LRRC1: variants seen among roughly 807,000 people sequenced by gnomAD.
The protein encoded by LRRC1 is leucine rich repeat containing 1.
LRRC1 carries 28 observed loss-of-function variants against 69.9 expected under a neutral mutation model. That is an observed-to-expected ratio of 0.40 (90% confidence interval 0.30 to 0.55). The LOEUF (loss-of-function observed/expected upper bound fraction) is 0.55, where lower values mean the gene tolerates loss of function less well. Among genes scored for constraint, LRRC1 ranks in the 20% least tolerant of loss-of-function variants. LRRC1 has a pLI of 0.47. For synonymous variants in LRRC1, 236 were observed against 240.2 expected (o/e 0.98, Z 0.16); for missense variants, 498 against 609.0 (o/e 0.82, Z 1.92).
chr6:53,818,823 A>G (rs1451065527), intron 1 of LRRC1, among the ~76,000 whole-genome samples: 5 of 152,162 alleles, frequency 3.3e-5, no homozygotes, highest in African/African-American at 9.7e-5. Flanking sequence ...TGGATACTTA[A>G]CCTCATTTCA....
intron 2 of LRRC1, among the ~76,000 whole-genome samples, chr6:53,870,871 A>G (rs1343686910): frequency 2.0e-5 from 3 of 152,208 alleles, no homozygotes; most frequent in African/African-American, 4.8e-5. Context: ...GGTTACACAT[A>G]TGAGTGAGAT....
intron 2 of LRRC1, among the ~76,000 whole-genome samples, chr6:53,874,150 A>G (rs1391812154): frequency 1.3e-5 from 2 of 152,218 alleles, no homozygotes; most frequent in African/African-American, 4.8e-5. Context: ...ACTCAGTGAA[A>G]TAGACCTGTA....
intron 2 of LRRC1, among the ~76,000 whole-genome samples, chr6:53,865,473 T>A (rs1766670685): frequency 6.6e-6 from 1 of 152,144 alleles, no homozygotes; most frequent in African/African-American, 2.4e-5. Context: ...GATATCTACA[T>A]GCAATTGCTG....
chr6:53,878,489 A>G (rs946243067), intron 2 of LRRC1, among the ~76,000 whole-genome samples: 2 of 152,208 alleles, frequency 1.3e-5, no homozygotes, highest in African/African-American at 4.8e-5. Context: ...AGATTCTCAT[A>G]AGGAGCACAC....
intron 1 of LRRC1, among the ~76,000 whole-genome samples, chr6:53,830,786 GC>G (rs1232627797): frequency 1.3e-5 from 2 of 151,514 alleles, no homozygotes; most frequent in Non-Finnish European, 1.5e-5. Flanking sequence ...TTAGGTTGGT[GC>G]AAAAGTAATT....
At chr6:53,831,170 T>C (rs1170816791) in intron 1 of LRRC1, among the ~76,000 whole-genome samples, 1 of 151,986 alleles carries the variant, frequency 6.6e-6, no homozygotes, top group Non-Finnish European at 1.5e-5. Flanking sequence ...AATTCTACAA[T>C]GGTTATAATT....
intron 1 of LRRC1, among the ~76,000 whole-genome samples, chr6:53,829,062 A>G (rs1424426113): frequency 1.3e-5 from 2 of 152,220 alleles, no homozygotes; most frequent in African/African-American, 4.8e-5. Context: ...AGTAACTTGT[A>G]TGAGGTCACA....
intron 2 of LRRC1, among the ~76,000 whole-genome samples, chr6:53,850,247 G>T (rs1283880497): frequency 3.3e-5 from 5 of 151,972 alleles, no homozygotes. Flanking sequence ...TCAGTAACTA[G>T]GATCAGTAGC....
Position 53,882,913 on chromosome 6 carries a change from A to G in LRRC1, c.383A>G (p.Gln128Arg), listed in dbSNP as rs760701122. The change falls in exon 4 of 14, where the codon CAG becomes CGG. Residue 128 changes from glutamine (Q) to arginine (R), a missense_variant. Transcript: ENST00000370888. ...TTGCCAGAAAGCTTTCCTGAATTAC[A>G]GAATTTAACATGTCTTTCTGTAAAT... ...TRLPESFPELQNLTCLSVNDI... is the reference protein window; with the variant it reads ...TRLPESFPELRNLTCLSVNDI... 6 of 1,607,270 alleles carry G rather than the reference A, an allele frequency of 3.7e-6. No homozygotes were observed. The African/African-American group carries it at 6.7e-5, about 18-fold the overall frequency.
At chr6:53,868,062 CATT>C (rs1246658477) in intron 2 of LRRC1, among the ~76,000 whole-genome samples, 1 of 151,886 alleles carries the variant, frequency 6.6e-6, no homozygotes, top group African/African-American at 2.4e-5. Context: ...ATGAAAATCT[CATT>C]AGTAGTACTA....
intron 1 of LRRC1, among the ~76,000 whole-genome samples, chr6:53,806,928 A>G (rs1405629468): frequency 2.0e-5 from 3 of 152,216 alleles, no homozygotes; most frequent in Non-Finnish European, 4.4e-5. Flanking sequence ...GCTTTTCAAA[A>G]TGAGGCAAAA....
intron 11 of LRRC1, among the ~76,000 whole-genome samples, chr6:53,918,593 A>G (rs148535068): frequency 1.8e-4 from 27 of 152,256 alleles, no homozygotes; most frequent in African/African-American, 5.1e-4. Context: ...AGTTCTGTCA[A>G]TTGAAATGCT....
At chr6:53,878,904 A>G (rs1005385610) in intron 2 of LRRC1, 89 bp from the exon 3 acceptor site, 2 of 711,430 alleles carry the variant, frequency 2.8e-6, no homozygotes, top group South Asian at 3.4e-5. Context: ...GAATTTCCAG[A>G]TATTCTCTTG....
At chr6:53,867,955 CAA>C (rs573937295) in intron 2 of LRRC1, among the ~76,000 whole-genome samples, 7 of 107,998 alleles carry the variant, frequency 6.5e-5, no homozygotes, top group Non-Finnish European at 9.9e-5. Flanking sequence ...CCTGTCTTAC[CAA>C]AAAAAAAAAA....
chr6:53,827,786 A>G (rs965587957), intron 1 of LRRC1, among the ~76,000 whole-genome samples: 3 of 152,160 alleles, frequency 2.0e-5, no homozygotes, highest in Admixed American at 6.5e-5. Flanking sequence ...TTGTCTTTCA[A>G]AGTTCAATTT....
chr6:53,872,757 T>C (rs1766934133), intron 2 of LRRC1, among the ~76,000 whole-genome samples: 1 of 143,902 alleles, frequency 6.9e-6, no homozygotes, highest in Non-Finnish European at 1.5e-5. Flanking sequence ...TTTCTCTTTT[T>C]TTTTTTTTTT....
At chr6:53,884,640 T>TA (rs931558792) in intron 4 of LRRC1, among the ~76,000 whole-genome samples, 25 of 152,300 alleles carry the variant, frequency 1.6e-4, no homozygotes, top group African/African-American at 5.8e-4. Flanking sequence ...CATTCATTCT[T>TA]AGTCTGCAGC....
chr6:53,919,398 A>G (rs1218776624), intron 11 of LRRC1, 100 bp from the exon 12 acceptor site: 8 of 962,028 alleles, frequency 8.3e-6, no homozygotes, highest in Middle Eastern at 2.7e-4. Context: ...AATCTCAGGA[A>G]GCTCCTTTTA....
chr6:53,912,451 G>A (rs1768442894), intron 10 of LRRC1, among the ~76,000 whole-genome samples: 1 of 152,164 alleles, frequency 6.6e-6, no homozygotes, highest in South Asian at 2.1e-4. Flanking sequence ...TTGCTGGGAT[G>A]AGAAATATGT....
Sources: gnomAD v4.1 joint callset for allele counts (sites outside exome capture counted in the v4.1 genomes callset) on GRCh38, gnomAD v4.1.1 for gene constraint, MANE v1.5 for transcripts, NCBI Gene and HGNC (gene_info 2026-07-23, HGNC 2026-07-21) for gene names.